Variants in ST18 observed in about 807,000 individuals in gnomAD.
The protein encoded by ST18 is suppression of tumorigenicity 18 protein.
Under a neutral mutation model 110.0 loss-of-function variants are expected in ST18, and 50 were observed. The observed-to-expected ratio is 0.45, with a 90% CI of 0.36 to 0.58. ST18 has a LOEUF of 0.58. ST18 is among the 20% of genes least tolerant of loss of function. The pLI is 0.00. For missense variants in ST18, 1,306 were observed against 1,280.1 expected (o/e 1.02, Z -0.31); for synonymous variants, 461 against 452.4 (o/e 1.02, Z -0.24).
intron 2 of ST18, among the ~76,000 whole-genome samples, chr8:52,263,743 CTTTTTT>C (rs755461916): frequency 1.1e-5 from 1 of 94,596 alleles, no homozygotes; most frequent in Non-Finnish European, 2.1e-5. Flanking sequence ...CAGTGCCTGG[CTTTTTT>C]TTTTTTTTTT....
At chr8:52,336,313 C>CT (rs1288820350) in intron 2 of ST18, among the ~76,000 whole-genome samples, 1 of 152,006 alleles carries the variant, frequency 6.6e-6, no homozygotes, top group Non-Finnish European at 1.5e-5. Flanking sequence ...CCACACTCAG[C>CT]TAATTTTTTC....
intron 2 of ST18, among the ~76,000 whole-genome samples, chr8:52,299,268 C>T (rs1465323021): frequency 6.6e-6 from 1 of 152,114 alleles, no homozygotes; most frequent in Admixed American, 6.5e-5. Flanking sequence ...CTTTGTTTCT[C>T]TCTGGGTAGC....
chr8:52,145,336 G>T (rs2132228102), intron 16 of ST18, among the ~76,000 whole-genome samples: 1 of 152,202 alleles, frequency 6.6e-6, no homozygotes, highest in African/African-American at 2.4e-5. Context: ...GTAATATGTG[G>T]TAATGTTTCA....
intron 2 of ST18, among the ~76,000 whole-genome samples, chr8:52,294,796 T>A (rs1261227380): frequency 6.6e-6 from 1 of 152,232 alleles, no homozygotes; most frequent in African/African-American, 2.4e-5. Context: ...ACTTCTTATA[T>A]GGAACATGTG....
chr8:52,130,445 C>T (rs1391783228), intron 22 of ST18, among the ~76,000 whole-genome samples: 1 of 152,140 alleles, frequency 6.6e-6, no homozygotes, highest in African/African-American at 2.4e-5. Flanking sequence ...CATGTACCAC[C>T]ATCAATAAGC....
In ST18 at chr8:52,171,975, G is replaced by A. The variant is rs760679781; in HGVS notation, c.886C>T (p.Leu296=). 4 of 1,614,154 alleles carry A rather than the reference G, an allele frequency of 2.5e-6. No individual in the cohort carries two copies. Among genetic ancestry groups the A allele is most frequent in the Non-Finnish European group, 3.4e-6 (4 of 1,180,024 alleles). ...LAVMTEEGSD[L]EKAKGNLSLL... Reference sequence around the variant, plus strand: ...CTTAAATTCCCCTTGGCCTTTTCCAGGTCACTACCCTCTTCCGTCATTACT... The same window carrying A: ...CTTAAATTCCCCTTGGCCTTTTCCAAGTCACTACCCTCTTCCGTCATTACT... The change falls in exon 10 of 26, where the codon CTG becomes TTG. Residue 296 remains leucine, a synonymous_variant. Transcript: ENST00000689386.
At position 52,152,856 on chromosome 8, in the gene ST18, C is replaced by T. The variant is rs563330382; in HGVS notation, c.1807-2879G>A. 3.9e-5 allele frequency among the ~76,000 whole-genome samples: 6 copies of T among 152,180 alleles called. No homozygotes were observed. In the East Asian group the frequency reaches 1.2e-3, roughly 29 times the overall value. ...AATACTTAATGAAAATATGCCACCC[C>T]TATTTAATGGCACATTATGTGGTCA... On this transcript the variant is annotated intron_variant, in intron 15 of 25. Transcript: ENST00000689386.
At chr8:52,137,536 T>C in intron 17 of ST18, 53 bp from the exon 18 acceptor site, 2 of 1,585,204 alleles carry the variant, frequency 1.3e-6, no homozygotes, top group East Asian at 4.5e-5. Flanking sequence ...CCAGGTTCAT[T>C]TCCTCTGCCC....
intron 2 of ST18, among the ~76,000 whole-genome samples, chr8:52,325,839 CA>C (rs1589926365): frequency 6.6e-6 from 1 of 152,166 alleles, no homozygotes; most frequent in East Asian, 1.9e-4. Flanking sequence ...ATAAGCCACT[CA>C]ACTTTATAAA....
intron 11 of ST18, among the ~76,000 whole-genome samples, chr8:52,166,147 C>T (rs2062910912): frequency 6.6e-6 from 1 of 152,188 alleles, no homozygotes; most frequent in Non-Finnish European, 1.5e-5. Flanking sequence ...TCCATACCTC[C>T]AGGTGAAACA....
chr8:52,381,967 T>TAAAAAAAAAA (rs33953466), intron 2 of ST18, among the ~76,000 whole-genome samples: 1 of 47,270 alleles, frequency 2.1e-5, no homozygotes, highest in African/African-American at 3.4e-5. Flanking sequence ...TATGCTGCAT[T>TAAAAAAAAAA]AAAAAACAAA....
intron 2 of ST18, among the ~76,000 whole-genome samples, chr8:52,348,721 G>A (rs1818874881): frequency 6.6e-6 from 1 of 151,994 alleles, no homozygotes; most frequent in Non-Finnish European, 1.5e-5. Flanking sequence ...TTCAGCCTGA[G>A]CAAAAAAATG....
At chr8:52,339,486 C>T (rs531076171) in intron 2 of ST18, among the ~76,000 whole-genome samples, 16 of 152,240 alleles carry the variant, frequency 1.1e-4, no homozygotes, top group Admixed American at 2.6e-4. Flanking sequence ...CTGCAGGGCA[C>T]GTACAGCAGG....
chr8:52,202,334 G>A (rs1292046726), intron 8 of ST18, among the ~76,000 whole-genome samples: 2 of 151,986 alleles, frequency 1.3e-5, no homozygotes, highest in African/African-American at 2.4e-5. Flanking sequence ...CATGTACGAG[G>A]CCTACACTGG....
intron 2 of ST18, among the ~76,000 whole-genome samples, chr8:52,373,720 T>C (rs565605496): frequency 6.6e-6 from 1 of 152,202 alleles, no homozygotes; most frequent in Admixed American, 6.5e-5. Context: ...GTTATTCTAA[T>C]ACATTATAAT....
chr8:52,190,914 A>C (rs561189607), intron 8 of ST18, among the ~76,000 whole-genome samples: 49 of 152,344 alleles, frequency 3.2e-4, no homozygotes, highest in Admixed American at 2.6e-3. Context: ...TTAGGGGCTC[A>C]GTGGTCTGGG....
At chr8:52,165,676 C>T (rs930427605) in intron 11 of ST18, among the ~76,000 whole-genome samples, 1 of 152,172 alleles carries the variant, frequency 6.6e-6, no homozygotes, top group South Asian at 2.1e-4. Context: ...CTCCCCACAC[C>T]CCACTGCCAT....
At chr8:52,235,110 T>C (rs183780825) in intron 2 of ST18, among the ~76,000 whole-genome samples, 6 of 151,856 alleles carry the variant, frequency 4.0e-5, no homozygotes, top group African/African-American at 1.2e-4. Context: ...CAAAAACCTA[T>C]GGAAATCAAA....
intron 2 of ST18, among the ~76,000 whole-genome samples, chr8:52,235,329 G>A (rs1190106879): frequency 6.6e-6 from 1 of 152,028 alleles, no homozygotes; most frequent in Non-Finnish European, 1.5e-5. Context: ...TCCTATGGTA[G>A]CCCCTGGCCC....
Sources: allele counts gnomAD v4.1 joint callset (sites outside exome capture counted in the v4.1 genomes callset), GRCh38; gene constraint gnomAD v4.1.1; transcripts MANE v1.5; gene names NCBI Gene and HGNC (gene_info 2026-07-23, HGNC 2026-07-21).